CLRN1: variants seen among roughly 807,000 people sequenced by gnomAD.
CLRN1 encodes the protein clarin 1.
Under a neutral mutation model 18.7 loss-of-function variants are expected in CLRN1, and 15 were observed. The observed-to-expected ratio is 0.80, with a 90% CI of 0.54 to 1.23. The LOEUF (loss-of-function observed/expected upper bound fraction) is 1.23, where lower values mean the gene tolerates loss of function less well. Ranked by LOEUF, CLRN1 falls within the 50% of genes most tolerant of loss-of-function variation. The probability of loss-of-function intolerance (pLI) is 0.00; values close to 1 mark genes in which losing one functional copy is unlikely to be tolerated. For missense variants in CLRN1, 311 were observed against 277.5 expected, an observed-to-expected ratio of 1.12 and a Z score of -0.86; for synonymous variants, 104 against 102.9, an observed-to-expected ratio of 1.01 and a Z score of -0.07.
At chr3:150,944,475 G>A (rs1714041237) in intron 1 of CLRN1, among the ~76,000 whole-genome samples, 2 of 151,988 alleles carry the variant, frequency 1.3e-5, no homozygotes, top group African/African-American at 4.8e-5. Flanking sequence ...TATTTTCAGA[G>A]GGGAGAGATG....
At chr3:150,929,373 A>G (rs1415709740) in intron 2 of CLRN1, among the ~76,000 whole-genome samples, 1 of 152,160 alleles carries the variant, frequency 6.6e-6, no homozygotes, top group East Asian at 1.9e-4. Context: ...AGCACATAGG[A>G]TGGCCAGGAC....
At chr3:150,928,687 C>T (rs1429946914) in intron 2 of CLRN1, among the ~76,000 whole-genome samples, 1 of 152,186 alleles carries the variant, frequency 6.6e-6, no homozygotes, top group Non-Finnish European at 1.5e-5. Context: ...AGAAGGGTTA[C>T]CACAGCTCCT....
chr3:150,937,740 A>C (rs1052193345), intron 2 of CLRN1, among the ~76,000 whole-genome samples: 5 of 152,132 alleles, frequency 3.3e-5, no homozygotes, highest in African/African-American at 1.2e-4. Context: ...GCTAAACTGG[A>C]GGTTATGAGA....
intron 1 of CLRN1, among the ~76,000 whole-genome samples, chr3:150,970,111 G>T (rs956507038): frequency 6.6e-6 from 1 of 152,218 alleles, no homozygotes; most frequent in Non-Finnish European, 1.5e-5. Flanking sequence ...ACAGAAAAGA[G>T]TCATCCACCT....
At chr3:150,962,420 C>A (rs1360244733) in intron 1 of CLRN1, among the ~76,000 whole-genome samples, 2 of 151,776 alleles carry the variant, frequency 1.3e-5, no homozygotes, top group Non-Finnish European at 2.9e-5. Context: ...TTTATGAAAA[C>A]CCTAATATAT....
intron 1 of CLRN1, among the ~76,000 whole-genome samples, chr3:150,946,429 T>C (rs762589360): frequency 1.1e-4 from 17 of 152,174 alleles, no homozygotes; most frequent in Non-Finnish European, 2.1e-4. Flanking sequence ...AGAGACTATT[T>C]GTACAAAAGT....
chr3:150,945,104 G>T (rs1714095530), intron 1 of CLRN1, among the ~76,000 whole-genome samples: 2 of 152,298 alleles, frequency 1.3e-5, no homozygotes, highest in Admixed American at 6.5e-5. Context: ...GATAAAGAAT[G>T]TTTCCTTAAA....
chr3:150,929,863 C>T (rs1713046926), intron 2 of CLRN1, among the ~76,000 whole-genome samples: 1 of 152,110 alleles, frequency 6.6e-6, no homozygotes, highest in Non-Finnish European at 1.5e-5. Context: ...TCTTTTTTTT[C>T]TCCAAATACT....
At chr3:150,940,067 G>A (rs1284399090) in intron 2 of CLRN1, among the ~76,000 whole-genome samples, 1 of 152,134 alleles carries the variant, frequency 6.6e-6, no homozygotes, top group Non-Finnish European at 1.5e-5. Context: ...TCCTTTCTAG[G>A]CTTGCTGTTT....
rs549208620 is a variant in CLRN1, at chr3:150,927,657, C to T, written c.*279G>A. 1.8e-4 allele frequency: 103 copies of T among 561,374 alleles called. No individual in the cohort carries two copies. Among genetic ancestry groups the T allele is most frequent in the African/African-American group, 1.5e-3 (79 of 52,774 alleles). The allele number at this position is 561,374 out of a possible 1,614,324, so 34.8% of individuals were successfully genotyped here. A position where few individuals can be genotyped will look rare whatever the true frequency, so the allele number is the denominator to read the frequency against. On this transcript the variant is annotated 3_prime_UTR_variant, in exon 3 of 3. Transcript: ENST00000327047. ...ACACACACACACACACACACACACA[C>T]ACATATATATATATGGAGTAACAAT...
chr3:150,954,658 T>C (rs1714651764), intron 1 of CLRN1, among the ~76,000 whole-genome samples: 1 of 152,226 alleles, frequency 6.6e-6, no homozygotes, highest in Non-Finnish European at 1.5e-5. Context: ...ATGTTTCAAA[T>C]GTCAAATCTA....
rs144947451 is a variant in CLRN1 at position 150,939,937 on chromosome 3, T to G, written c.433+1645A>C. Among the ~76,000 whole-genome samples the G allele has an allele frequency of 6.6e-5, 10 of 152,286 alleles. No individual in the cohort carries two copies. The East Asian group carries it at 1.5e-3, about 24-fold the overall frequency. ...AAGCCCTTGGCCTTTGTTTATGATA[T>G]TCCATCCCTCTCCTCACTGGCTCAT... On this transcript the variant is annotated intron_variant, in intron 2 of 2. Coordinates refer to ENST00000327047, the MANE Select transcript of CLRN1 (RefSeq NM_174878.3).
At chr3:150,929,311 TG>T (rs1235951825) in intron 2 of CLRN1, among the ~76,000 whole-genome samples, 1 of 152,072 alleles carries the variant, frequency 6.6e-6, no homozygotes, top group East Asian at 1.9e-4. Flanking sequence ...GACTTCCAGA[TG>T]GGTGGATGGC....
At chr3:150,966,238 G>A (rs1715253040) in intron 1 of CLRN1, among the ~76,000 whole-genome samples, 2 of 152,178 alleles carry the variant, frequency 1.3e-5, no homozygotes, top group African/African-American at 4.8e-5. Flanking sequence ...TCCTTGGGCA[G>A]GAGAGGTCAA....
intron 1 of CLRN1, among the ~76,000 whole-genome samples, chr3:150,972,240 T>A (rs1200537016): frequency 6.6e-6 from 1 of 152,168 alleles, no homozygotes; most frequent in African/African-American, 2.4e-5. Flanking sequence ...CTTAATTATG[T>A]AACAATGAAT....
intron 1 of CLRN1, among the ~76,000 whole-genome samples, chr3:150,962,489 G>T (rs1328730688): frequency 6.6e-6 from 1 of 151,926 alleles, no homozygotes; most frequent in East Asian, 1.9e-4. Context: ...TTTAATTGAT[G>T]CTACAATTCT....
chr3:150,948,606 T>C (rs1244848582), intron 1 of CLRN1, among the ~76,000 whole-genome samples: 1 of 149,462 alleles, frequency 6.7e-6, no homozygotes, highest in Admixed American at 6.7e-5. Flanking sequence ...CTAGAAAACC[T>C]AGAAGAGCTA....
intron 2 of CLRN1, among the ~76,000 whole-genome samples, chr3:150,935,305 C>A (rs1247815515): frequency 7.9e-6 from 1 of 126,528 alleles, no homozygotes; most frequent in East Asian, 3.1e-4. Context: ...TCTTCCCACC[C>A]CACAACAGTC....
At chr3:150,949,041 A>G (rs1255827056) in intron 1 of CLRN1, among the ~76,000 whole-genome samples, 1 of 152,228 alleles carries the variant, frequency 6.6e-6, no homozygotes, top group African/African-American at 2.4e-5. Context: ...CTGGGATGCA[A>G]GGTTGGTCCA....
Sources: gnomAD v4.1 joint callset for allele counts (sites outside exome capture counted in the v4.1 genomes callset) on GRCh38, gnomAD v4.1.1 for gene constraint, MANE v1.5 for transcripts, NCBI Gene and HGNC (gene_info 2026-07-23, HGNC 2026-07-21) for gene names.